NGF: variants seen among roughly 807,000 people sequenced by gnomAD.
The protein encoded by NGF is beta-nerve growth factor.
NGF carries 4 observed loss-of-function variants against 12.8 expected under a neutral mutation model. That is an observed-to-expected ratio of 0.31 (90% CI 0.15 to 0.72). NGF has a LOEUF of 0.72. NGF is among the 30% of genes least tolerant of loss of function. The pLI, the probability that NGF is intolerant of heterozygous loss-of-function variation, is 0.69. For synonymous variants in NGF, 140 were observed against 130.0 expected (o/e 1.08, Z -0.52); for missense variants, 283 against 330.8 (o/e 0.86, Z 1.12).
At chr1:115,313,820 G>T (rs1204100734) in intron 1 of NGF, among the ~76,000 whole-genome samples, 1 of 152,170 alleles carries the variant, frequency 6.6e-6, no homozygotes, top group Non-Finnish European at 1.5e-5. Context: ...ACAGTTGAGG[G>T]CAGAGCTAAA....
At chr1:115,321,944 G>T (rs1401431376) in intron 1 of NGF, among the ~76,000 whole-genome samples, 1 of 152,190 alleles carries the variant, frequency 6.6e-6, no homozygotes, top group Non-Finnish European at 1.5e-5. Context: ...CATACTTGCT[G>T]CAGAATTAGC....
chr1:115,290,728 C>T (rs1026933359), intron 2 of NGF, among the ~76,000 whole-genome samples: 1 of 152,248 alleles, frequency 6.6e-6, no homozygotes, highest in African/African-American at 2.4e-5. Flanking sequence ...TTTATATTCT[C>T]TTAGGGCTGT....
At chr1:115,287,781 T>C (rs1653559877) in intron 2 of NGF, among the ~76,000 whole-genome samples, 1 of 152,194 alleles carries the variant, frequency 6.6e-6, no homozygotes, top group African/African-American at 2.4e-5. Flanking sequence ...TATGTGACTA[T>C]AGATCAAATG....
chr1:115,286,926 G>A (rs879362345), intron 2 of NGF, 119 bp from the exon 3 acceptor site: 50 of 1,265,204 alleles, frequency 4.0e-5, no homozygotes, highest in Middle Eastern at 1.9e-4. Flanking sequence ...CATTCAAACC[G>A]GGGCACTTCT....
intron 1 of NGF, among the ~76,000 whole-genome samples, chr1:115,308,443 CT>C (rs1429711208): frequency 6.6e-6 from 1 of 152,162 alleles, no homozygotes; most frequent in African/African-American, 2.4e-5. Flanking sequence ...TTCAGGAAGG[CT>C]TTCACAGGGA....
At chr1:115,314,659 G>A (rs890499455) in intron 1 of NGF, among the ~76,000 whole-genome samples, 10 of 152,180 alleles carry the variant, frequency 6.6e-5, no homozygotes, top group African/African-American at 2.4e-4. Flanking sequence ...AAACAGCTAA[G>A]CTGAAATACA....
intron 1 of NGF, among the ~76,000 whole-genome samples, chr1:115,333,015 A>C (rs1654965102): frequency 6.6e-6 from 1 of 152,210 alleles, no homozygotes; most frequent in Non-Finnish European, 1.5e-5. Flanking sequence ...TGAGACATGC[A>C]AGTCACTCCA....
intron 1 of NGF, among the ~76,000 whole-genome samples, chr1:115,328,522 C>A (rs1343865788): frequency 6.6e-6 from 1 of 152,192 alleles, no homozygotes. Flanking sequence ...AAATTGAAAC[C>A]CTCTGCATTG....
rs913908619 is a variant in NGF at position 115,307,174 on chromosome 1, T to G, written c.-136-13424A>C. ...CAAACTAAGTGAGCTGGGATTTGTC[T>G]TACCCTTAGGAAACCTGATGCTATT... On this transcript the variant is annotated intron_variant, in intron 1 of 2. Coordinates refer to ENST00000369512, the MANE Select transcript of NGF (RefSeq NM_002506.3). 2.0e-5 allele frequency among the ~76,000 whole-genome samples: 3 copies of G among 152,170 alleles called. No homozygotes were observed. In the East Asian group the frequency reaches 5.8e-4, roughly 29 times the overall value.
intron 1 of NGF, among the ~76,000 whole-genome samples, chr1:115,336,167 A>G (rs552065084): frequency 6.6e-6 from 1 of 152,222 alleles, no homozygotes; most frequent in South Asian, 2.1e-4. Flanking sequence ...AAAAGTAGGG[A>G]AAGAGTCACC....
chr1:115,335,466 A>T (rs1655085240), intron 1 of NGF, among the ~76,000 whole-genome samples: 1 of 152,228 alleles, frequency 6.6e-6, no homozygotes. Flanking sequence ...GCTAAGCCTG[A>T]GAGCTGATGG....
chr1:115,308,920 T>C (rs886332039), intron 1 of NGF, among the ~76,000 whole-genome samples: 1 of 148,454 alleles, frequency 6.7e-6, no homozygotes, highest in Non-Finnish European at 1.5e-5. Context: ...GATATTGGTG[T>C]TAAAGATTTG....
chr1:115,322,687 C>A (rs904280899), intron 1 of NGF, among the ~76,000 whole-genome samples: 1 of 152,170 alleles, frequency 6.6e-6, no homozygotes, highest in Non-Finnish European at 1.5e-5. Flanking sequence ...CTATGTTAAC[C>A]ATTTTATAAG....
At chr1:115,292,436 A>C (rs1251097117) in intron 2 of NGF, among the ~76,000 whole-genome samples, 1 of 152,172 alleles carries the variant, frequency 6.6e-6, no homozygotes, top group Non-Finnish European at 1.5e-5. Context: ...TGGTAGGAGG[A>C]CACTAAGAAT....
At chr1:115,333,735 TTTC>T (rs1655018760) in intron 1 of NGF, among the ~76,000 whole-genome samples, 1 of 114,794 alleles carries the variant, frequency 8.7e-6, no homozygotes, top group African/African-American at 3.9e-5. Flanking sequence ...TCCTTCTTTC[TTTC>T]TTTCTTCCTT....
At chr1:115,334,454 C>T (rs1262680291) in intron 1 of NGF, among the ~76,000 whole-genome samples, 3 of 152,132 alleles carry the variant, frequency 2.0e-5, no homozygotes, top group South Asian at 2.1e-4. Context: ...TTTCTTTTCC[C>T]ATGGGTCATT....
At chr1:115,292,793 G>T (rs566184398) in intron 2 of NGF, among the ~76,000 whole-genome samples, 1 of 152,252 alleles carries the variant, frequency 6.6e-6, no homozygotes, top group South Asian at 2.1e-4. Context: ...CCAGATATTA[G>T]GGAATATTTA....
intron 1 of NGF, among the ~76,000 whole-genome samples, chr1:115,305,232 G>T (rs571978233): frequency 6.6e-6 from 1 of 152,172 alleles, no homozygotes; most frequent in East Asian, 1.9e-4. Flanking sequence ...ATATATATTT[G>T]TTTCCTTTTA....
At chr1:115,299,221 A>G (rs964394588) in intron 1 of NGF, among the ~76,000 whole-genome samples, 1 of 152,192 alleles carries the variant, frequency 6.6e-6, no homozygotes, top group Non-Finnish European at 1.5e-5. Flanking sequence ...TTTTTGATGA[A>G]AAGTTTCAAT....
Sources: allele counts gnomAD v4.1 joint callset (sites outside exome capture counted in the v4.1 genomes callset), GRCh38; gene constraint gnomAD v4.1.1; transcripts MANE v1.5; gene names NCBI Gene and HGNC (gene_info 2026-07-23, HGNC 2026-07-21).